FGF10: variants seen among roughly 807,000 people sequenced by gnomAD.
FGF10 encodes fibroblast growth factor 10.
In FGF10, 2 loss-of-function variants were observed where a neutral mutation model predicts 19.8. The ratio of observed to expected loss-of-function variants is 0.10; its 90% confidence interval spans 0.04 to 0.32. The LOEUF (loss-of-function observed/expected upper bound fraction) is 0.32, where lower values mean the gene tolerates loss of function less well. FGF10 is among the 10% of genes least tolerant of loss of function. The probability of loss-of-function intolerance (pLI) is 1.00; values close to 1 mark genes in which losing one functional copy is unlikely to be tolerated. For missense variants in FGF10, 191 were observed against 246.3 expected, an observed-to-expected ratio of 0.78 and a Z score of 1.50; for synonymous variants, 112 against 94.0, an observed-to-expected ratio of 1.19 and a Z score of -1.10.
chr5:44,384,805 CAT>C (rs1447445459), intron 1 of FGF10, among the ~76,000 whole-genome samples: 5 of 152,114 alleles, frequency 3.3e-5, no homozygotes, highest in Non-Finnish European at 5.9e-5. Context: ...TATTGCCTCC[CAT>C]TCTTCTTTCC....
intron 1 of FGF10, among the ~76,000 whole-genome samples, chr5:44,376,518 C>CAAAA (rs1265124775): frequency 2.8e-5 from 2 of 72,694 alleles, no homozygotes; most frequent in African/African-American, 4.8e-5. Context: ...AAAAAAAAAA[C>CAAAA]AAAAAACCCA....
In FGF10 at chr5:44,303,982, G is replaced by A. The variant is rs540209410; in HGVS notation, c.*1013C>T. On this transcript the variant is annotated 3_prime_UTR_variant, in exon 3 of 3. Coordinates refer to ENST00000264664, the MANE Select transcript of FGF10 (RefSeq NM_004465.2). ...TTAGCAATTAATTTTCCTTTTTTTA[G>A]TATATTCTTGGAGGCAAACTGATGT... 6.6e-6 allele frequency: 1 copy of A among 152,108 alleles called. No homozygotes were observed. Among genetic ancestry groups the A allele is most frequent in the East Asian group, 1.9e-4 (1 of 5,180 alleles). 9.4% of individuals were successfully genotyped at this position (152,108 alleles called of 1,614,324 possible).
intron 2 of FGF10, among the ~76,000 whole-genome samples, chr5:44,305,918 T>C (rs1423977536): frequency 6.6e-6 from 1 of 152,178 alleles, no homozygotes; most frequent in Non-Finnish European, 1.5e-5. Flanking sequence ...GCCTACATTG[T>C]ATCTTAAGGA....
intron 1 of FGF10, among the ~76,000 whole-genome samples, chr5:44,388,122 G>T (rs1742147916): frequency 1.3e-5 from 2 of 151,894 alleles, no homozygotes; most frequent in South Asian, 4.2e-4. Flanking sequence ...GGAAGGGGTG[G>T]GTAGAGCGGC....
At chr5:44,352,705 C>T (rs375913576) in intron 1 of FGF10, among the ~76,000 whole-genome samples, 2 of 151,570 alleles carry the variant, frequency 1.3e-5, no homozygotes, top group African/African-American at 2.4e-5. Flanking sequence ...ACCAAGAGAA[C>T]CTTTCAATTT....
intron 1 of FGF10, among the ~76,000 whole-genome samples, chr5:44,358,172 T>A (rs897445587): frequency 2.6e-5 from 4 of 151,534 alleles, no homozygotes; most frequent in African/African-American, 9.7e-5. Flanking sequence ...TTCCAACAGA[T>A]AAGATACGAC....
At chr5:44,372,310 T>C (rs1377022012) in intron 1 of FGF10, among the ~76,000 whole-genome samples, 1 of 152,142 alleles carries the variant, frequency 6.6e-6, no homozygotes, top group Non-Finnish European at 1.5e-5. Flanking sequence ...GCTTCCATCC[T>C]CAAATCATCT....
intron 1 of FGF10, among the ~76,000 whole-genome samples, chr5:44,378,330 A>C (rs1232022074): frequency 1.7e-4 from 26 of 152,222 alleles, no homozygotes; most frequent in Admixed American, 1.6e-3. Flanking sequence ...TTGGATTAGA[A>C]GTGCTCAATC....
chr5:44,371,282 C>A (rs1026885119), intron 1 of FGF10, among the ~76,000 whole-genome samples: 7 of 152,210 alleles, frequency 4.6e-5, no homozygotes, highest in Middle Eastern at 3.4e-3. Context: ...CGGTGCCCTG[C>A]AGAAAGTCCA....
chr5:44,312,216 A>ACG (rs1491313405), intron 1 of FGF10, among the ~76,000 whole-genome samples: 1 of 145,842 alleles, frequency 6.9e-6, no homozygotes, highest in Admixed American at 6.9e-5. Context: ...ACACACACAC[A>ACG]CGCACATTTA....
intron 1 of FGF10, among the ~76,000 whole-genome samples, chr5:44,315,182 C>A (rs1450285018): frequency 7.8e-4 from 98 of 126,334 alleles, no homozygotes; most frequent in Admixed American, 1.5e-3. Flanking sequence ...AATGACAATA[C>A]AAAAAAAAAA....
chr5:44,375,839 A>G (rs1247766413), intron 1 of FGF10, among the ~76,000 whole-genome samples: 1 of 152,112 alleles, frequency 6.6e-6, no homozygotes, highest in African/African-American at 2.4e-5. Context: ...CCTAGGTTTT[A>G]TCCTCAATTA....
chr5:44,333,983 A>G (rs1163603752), intron 1 of FGF10, among the ~76,000 whole-genome samples: 1 of 152,020 alleles, frequency 6.6e-6, no homozygotes, highest in African/African-American at 2.4e-5. Flanking sequence ...TCTTCAGTAG[A>G]TTAAATCTTC....
At chr5:44,332,818 G>A (rs1274939685) in intron 1 of FGF10, among the ~76,000 whole-genome samples, 1 of 152,028 alleles carries the variant, frequency 6.6e-6, no homozygotes, top group Non-Finnish European at 1.5e-5. Context: ...TTTCTAGTTA[G>A]CAGAAGATGC....
At chr5:44,353,250 T>C (rs918626956) in intron 1 of FGF10, among the ~76,000 whole-genome samples, 3 of 151,678 alleles carry the variant, frequency 2.0e-5, no homozygotes, top group Non-Finnish European at 4.4e-5. Flanking sequence ...GATATATTTG[T>C]TTATCGTCTA....
intron 1 of FGF10, among the ~76,000 whole-genome samples, chr5:44,370,587 G>A (rs1418115220): frequency 6.6e-6 from 1 of 152,020 alleles, no homozygotes; most frequent in African/African-American, 2.4e-5. Flanking sequence ...GAGTGTTGAG[G>A]AGAAAAAGAA....
intron 1 of FGF10, among the ~76,000 whole-genome samples, chr5:44,387,995 A>T (rs1742142855): frequency 6.6e-6 from 1 of 152,156 alleles, no homozygotes; most frequent in Non-Finnish European, 1.5e-5. Flanking sequence ...TTCCAGAAGG[A>T]AGGAAAAATT....
chr5:44,333,322 CAA>C (rs920730935), intron 1 of FGF10, among the ~76,000 whole-genome samples: 3 of 152,022 alleles, frequency 2.0e-5, no homozygotes, highest in East Asian at 1.9e-4. Context: ...GTAGAATAGT[CAA>C]AGTTTAGCAA....
At chr5:44,334,537 C>T (rs940871369) in intron 1 of FGF10, among the ~76,000 whole-genome samples, 1 of 151,998 alleles carries the variant, frequency 6.6e-6, no homozygotes. Context: ...ATGTGCACAA[C>T]GTTAGAAGCT....
Sources: allele counts gnomAD v4.1 joint callset (sites outside exome capture counted in the v4.1 genomes callset), GRCh38; gene constraint gnomAD v4.1.1; transcripts MANE v1.5; gene names NCBI Gene and HGNC (gene_info 2026-07-23, HGNC 2026-07-21).